EDA: variants seen among roughly 807,000 people sequenced by gnomAD.
EDA encodes the protein ectodysplasin-A.
EDA carries 2 observed loss-of-function variants against 23.6 expected under a neutral mutation model. The observed-to-expected ratio is 0.08, with a 90% CI of 0.03 to 0.27. The LOEUF (loss-of-function observed/expected upper bound fraction) is 0.27. Among genes scored for constraint, EDA ranks in the 10% least tolerant of loss-of-function variants. The pLI is 1.00. For synonymous variants in EDA, 131 were observed against 132.0 expected (o/e 0.99, Z 0.05); for missense variants, 229 against 324.2 (o/e 0.71, Z 2.26).
At chrX:69,789,982 A>G (rs1450786633) in intron 1 of EDA, among the ~76,000 whole-genome samples, 1 of 111,890 alleles carries the variant, frequency 8.9e-6, no homozygotes, top group African/African-American at 3.2e-5. Flanking sequence ...GTTTAAAAAC[A>G]CTTTAGAAGA....
At chrX:69,929,966 C>G (rs1270157930) in intron 1 of EDA, among the ~76,000 whole-genome samples, 1 of 109,858 alleles carries the variant, frequency 9.1e-6, no homozygotes, top group African/African-American at 3.3e-5. Flanking sequence ...GTCATTGTCC[C>G]CATCTTCTGT....
intron 1 of EDA, among the ~76,000 whole-genome samples, chrX:69,659,326 A>G (rs1933414593): frequency 8.9e-6 from 1 of 112,376 alleles, no homozygotes; most frequent in African/African-American, 3.2e-5. Flanking sequence ...ACAATGAGCT[A>G]CATTTGTACA....
At chrX:69,783,750 A>G (rs933544861) in intron 1 of EDA, among the ~76,000 whole-genome samples, 5 of 110,963 alleles carry the variant, frequency 4.5e-5, no homozygotes, top group African/African-American at 1.6e-4. Context: ...TGCAATAAAC[A>G]TACGTGTGCA....
chrX:69,711,370 T>G (rs1451802251), intron 1 of EDA, among the ~76,000 whole-genome samples: 1 of 111,686 alleles, frequency 9.0e-6, no homozygotes, highest in Non-Finnish European at 1.9e-5. Context: ...ATAAGCTTTT[T>G]GATGTGCTGC....
intron 1 of EDA, among the ~76,000 whole-genome samples, chrX:69,780,059 G>T (rs2014895860): frequency 9.0e-6 from 1 of 110,812 alleles, no homozygotes; most frequent in African/African-American, 3.3e-5. Flanking sequence ...TCATAAAAAT[G>T]TTTATTAAGC....
At chrX:70,006,987 A>G (rs2019810717) in intron 2 of EDA, among the ~76,000 whole-genome samples, 1 of 110,924 alleles carries the variant, frequency 9.0e-6, no homozygotes. Context: ...CAGTTATCCC[A>G]GCACCATTTG....
intron 1 of EDA, among the ~76,000 whole-genome samples, chrX:69,919,960 A>G (rs769919075): frequency 2.7e-5 from 3 of 111,559 alleles, no homozygotes; most frequent in African/African-American, 9.7e-5. Context: ...GACATTCCAG[A>G]GCATTGCTAT....
rs187404461 is a variant in EDA at position 69,622,836 on chromosome X, T to A, written c.396+6132T>A. On this transcript the variant is annotated intron_variant, in intron 1 of 7. Coordinates refer to ENST00000374552, the MANE Select transcript of EDA (RefSeq NM_001399.5). The stretch of plus-strand genomic sequence containing the variant: ...AGCTTTATGTTTTTGACATTTACAT[T>A]TAGGTCTATACTCCACTTGAAATCG... Among the ~76,000 whole-genome samples the A allele has an allele frequency of 4.1e-3, 460 of 111,846 alleles. 2 individuals are homozygous for A. The highest frequency in any genetic ancestry group is 0.014 in the African/African-American group (441 of 30,806).
At chrX:69,827,361 T>C (rs1336276677) in intron 1 of EDA, among the ~76,000 whole-genome samples, 1 of 112,073 alleles carries the variant, frequency 8.9e-6, no homozygotes, top group Admixed American at 9.5e-5. Context: ...TTTGGTCTTT[T>C]CACATAGTCC....
In EDA at chrX:70,035,562, A is replaced by G; in HGVS notation, c.1129A>G (p.Thr377Ala). 8.3e-7 allele frequency: 1 copy of G among 1,208,528 alleles called. No homozygotes were observed. Among genetic ancestry groups the G allele is most frequent in the Non-Finnish European group, 1.1e-6 (1 of 894,803 alleles). The change falls in exon 8 of 8, where the codon ACC becomes GCC. Residue 377 changes from threonine (T) to alanine (A), a missense_variant. By Grantham distance (58) the Thr-to-Ala change is moderately conservative. Transcript: ENST00000374552. ...CATCTCCATCAACATGAGCAAGCACACCACGTTCTTTGGGGCCATCAGGCT... is the reference window on the plus strand; with the variant it reads ...CATCTCCATCAACATGAGCAAGCACGCCACGTTCTTTGGGGCCATCAGGCT... ...ADISINMSKHTTFFGAIRLGE... is the reference protein window; with the variant it reads ...ADISINMSKHATFFGAIRLGE...
chrX:69,798,762 A>C (rs775715581), intron 1 of EDA, among the ~76,000 whole-genome samples: 2 of 111,729 alleles, frequency 1.8e-5, no homozygotes, highest in African/African-American at 6.5e-5. Flanking sequence ...AATTAGCATA[A>C]GGAAAGAAAT....
intron 1 of EDA, among the ~76,000 whole-genome samples, chrX:69,759,563 A>G (rs2014234232): frequency 8.9e-6 from 1 of 111,927 alleles, no homozygotes; most frequent in African/African-American, 3.2e-5. Context: ...GTCTGTAAGT[A>G]TACACCGTGT....
At chrX:69,761,856 CCAAA>C (rs2014318235) in intron 1 of EDA, among the ~76,000 whole-genome samples, 1 of 111,684 alleles carries the variant, frequency 9.0e-6, no homozygotes, top group Non-Finnish European at 1.9e-5. Flanking sequence ...CCCCTGGAAA[CCAAA>C]CAAATATGCT....
intron 2 of EDA, among the ~76,000 whole-genome samples, chrX:69,960,168 G>C (rs2019078771): frequency 9.0e-6 from 1 of 111,580 alleles, no homozygotes; most frequent in Non-Finnish European, 1.9e-5. Flanking sequence ...CAAGCAGGAA[G>C]AATCTTTAGG....
intron 2 of EDA, among the ~76,000 whole-genome samples, chrX:69,974,734 G>A (rs1311709707): frequency 9.1e-6 from 1 of 110,493 alleles, no homozygotes; most frequent in Non-Finnish European, 1.9e-5. Context: ...TCTTAAATAC[G>A]TTTAATACAA....
chrX:69,671,084 T>C (rs140973869), intron 1 of EDA, among the ~76,000 whole-genome samples: 522 of 111,587 alleles, frequency 4.7e-3, no homozygotes, highest in African/African-American at 0.016. Context: ...GGGAAGACAT[T>C]CACCTGAAGA....
At chrX:69,952,426 A>G (rs980152244) in intron 1 of EDA, among the ~76,000 whole-genome samples, 2 of 111,274 alleles carry the variant, frequency 1.8e-5, no homozygotes, top group Non-Finnish European at 3.8e-5. Context: ...TTTTAAAGCC[A>G]TCAGATCTCA....
At chrX:69,678,497 T>C (rs1055430942) in intron 1 of EDA, among the ~76,000 whole-genome samples, 16 of 111,650 alleles carry the variant, frequency 1.4e-4, no homozygotes, top group Non-Finnish European at 2.4e-4. Flanking sequence ...TTTTATTTCC[T>C]TGAGCAGTGG....
At chrX:69,850,404 C>T (rs1260933994) in intron 1 of EDA, among the ~76,000 whole-genome samples, 1 of 112,098 alleles carries the variant, frequency 8.9e-6, no homozygotes, top group Non-Finnish European at 1.9e-5. Context: ...GGTTCAGAGG[C>T]TACTTATCCA....
Sources: gnomAD v4.1 joint callset for allele counts (sites outside exome capture counted in the v4.1 genomes callset) on GRCh38, gnomAD v4.1.1 for gene constraint, MANE v1.5 for transcripts, NCBI Gene and HGNC (gene_info 2026-07-23, HGNC 2026-07-21) for gene names.